GRIK2: variants seen among roughly 807,000 people sequenced by gnomAD.
GRIK2 encodes the protein glutamate receptor ionotropic, kainate 2.
A neutral mutation model predicts 100.3 loss-of-function variants in GRIK2; 32 were observed. That is an observed-to-expected ratio of 0.32 (90% CI 0.24 to 0.43). GRIK2 has a LOEUF of 0.43. GRIK2 is among the 20% of genes least tolerant of loss of function. GRIK2 has a pLI of 1.00. For synonymous variants in GRIK2, 417 were observed against 389.4 expected (o/e 1.07, Z -0.83); for missense variants, 843 against 1,114.9 (o/e 0.76, Z 3.47).
intron 4 of GRIK2, among the ~76,000 whole-genome samples, chr6:101,661,460 A>T (rs1157313213): frequency 6.6e-6 from 1 of 151,946 alleles, no homozygotes; most frequent in Admixed American, 6.6e-5. Flanking sequence ...CCCTGACTTC[A>T]GCCCCCTTGC....
chr6:101,699,040 T>C (rs1425077997), intron 7 of GRIK2, among the ~76,000 whole-genome samples: 4 of 152,098 alleles, frequency 2.6e-5, no homozygotes, highest in African/African-American at 9.7e-5. Flanking sequence ...AGCAGACTGG[T>C]TGATGGAACC....
intron 9 of GRIK2, among the ~76,000 whole-genome samples, chr6:101,814,674 C>T (rs1662190021): frequency 6.6e-6 from 1 of 152,072 alleles, no homozygotes; most frequent in African/African-American, 2.4e-5. Context: ...ATTATCTGTG[C>T]TCAGTCATTC....
chr6:101,579,836 C>T (rs1292501536), intron 2 of GRIK2, among the ~76,000 whole-genome samples: 1 of 142,950 alleles, frequency 7.0e-6, no homozygotes, highest in Non-Finnish European at 1.5e-5. Context: ...GGCAACAGAG[C>T]GAGACTGTGT....
intron 12 of GRIK2, among the ~76,000 whole-genome samples, chr6:101,920,982 G>A (rs967159144): frequency 3.9e-5 from 6 of 151,974 alleles, no homozygotes; most frequent in African/African-American, 1.4e-4. Context: ...AAAGTGGAAA[G>A]TCCAGTTAGG....
At chr6:101,963,515 T>C (rs1348302136) in intron 14 of GRIK2, among the ~76,000 whole-genome samples, 247 of 142,010 alleles carry the variant, frequency 1.7e-3, no homozygotes, top group African/African-American at 6.2e-3. Context: ...CTTTCTTTTT[T>C]TTTTTTTTTT....
At chr6:101,413,753 A>G (rs1184345798) in intron 2 of GRIK2, among the ~76,000 whole-genome samples, 2 of 152,184 alleles carry the variant, frequency 1.3e-5, no homozygotes, top group African/African-American at 4.8e-5. Flanking sequence ...AATGTAATTT[A>G]TCAATATGTA....
At chr6:101,524,084 T>A (rs2128282414) in intron 2 of GRIK2, among the ~76,000 whole-genome samples, 1 of 152,288 alleles carries the variant, frequency 6.6e-6, no homozygotes, top group East Asian at 1.9e-4. Context: ...TGAGCTCTGT[T>A]TGATAATGGT....
chr6:101,565,607 T>C (rs1274269942), intron 2 of GRIK2, among the ~76,000 whole-genome samples: 2 of 151,956 alleles, frequency 1.3e-5, no homozygotes, highest in African/African-American at 4.8e-5. Context: ...GGAAAGAAAC[T>C]ACTAAAAGAA....
At chr6:101,895,293 A>T (rs1319985348) in intron 12 of GRIK2, among the ~76,000 whole-genome samples, 1 of 151,656 alleles carries the variant, frequency 6.6e-6, no homozygotes, top group Non-Finnish European at 1.5e-5. Context: ...TTATTTTTAG[A>T]GTATTAGAAT....
intron 14 of GRIK2, among the ~76,000 whole-genome samples, chr6:101,948,304 T>G (rs958215378): frequency 1.3e-5 from 2 of 151,380 alleles, no homozygotes; most frequent in African/African-American, 4.8e-5. Context: ...TTGAAGAATC[T>G]TAGAACTGTC....
At chr6:101,960,321 ATC>A (rs1209877955) in intron 14 of GRIK2, among the ~76,000 whole-genome samples, 2 of 151,768 alleles carry the variant, frequency 1.3e-5, no homozygotes, top group East Asian at 3.9e-4. Flanking sequence ...TGAATTCTTT[ATC>A]TGTCATTTCA....
At chr6:101,727,710 G>T (rs142820578) in intron 7 of GRIK2, among the ~76,000 whole-genome samples, 1 of 152,122 alleles carries the variant, frequency 6.6e-6, no homozygotes, top group East Asian at 1.9e-4. Flanking sequence ...CCATTGATCT[G>T]TGCACAGAAT....
At chr6:102,023,437 G>T (rs1013110174) in intron 14 of GRIK2, among the ~76,000 whole-genome samples, 1 of 151,526 alleles carries the variant, frequency 6.6e-6, no homozygotes. Context: ...GCTGTGGCTT[G>T]TAGGGTAACA....
At chr6:101,790,746 CT>C (rs1321259784) in intron 7 of GRIK2, among the ~76,000 whole-genome samples, 1 of 151,312 alleles carries the variant, frequency 6.6e-6, no homozygotes, top group Non-Finnish European at 1.5e-5. Context: ...AGGATTCCCT[CT>C]TTTTCTATTG....
At chr6:102,035,193 GTATATA>G (rs139440547) in intron 14 of GRIK2, 142 bp from the exon 15 acceptor site, 64 of 216,996 alleles carry the variant, frequency 2.9e-4, no homozygotes, top group Admixed American at 7.2e-4. Flanking sequence ...GACTTTTTTG[GTATATA>G]TATATATATA....
intron 12 of GRIK2, chr6:101,891,516 CAAA>C (rs5878701): frequency 0.017 from 3,285 of 193,870 alleles, no homozygotes; most frequent in Middle Eastern, 0.02. Context: ...GACTCCATCT[CAAA>C]AAAAAAAAAA....
intron 2 of GRIK2, among the ~76,000 whole-genome samples, chr6:101,618,111 C>T (rs1392682242): frequency 6.6e-6 from 1 of 151,204 alleles, no homozygotes; most frequent in Non-Finnish European, 1.5e-5. Context: ...TTTTTGTTTT[C>T]TTTTAAAACA....
chr6:101,720,206 G>A (rs1774381214), intron 7 of GRIK2, among the ~76,000 whole-genome samples: 1 of 151,536 alleles, frequency 6.6e-6, no homozygotes, highest in Non-Finnish European at 1.5e-5. Flanking sequence ...ACATGATTAT[G>A]AGACAGACCC....
intron 6 of GRIK2, among the ~76,000 whole-genome samples, chr6:101,683,421 A>G (rs148947003): frequency 1.5e-3 from 230 of 152,276 alleles, no homozygotes; most frequent in Non-Finnish European, 2.6e-3. Flanking sequence ...TTGTTTTCAC[A>G]TACCCATCAC....
Sources: gnomAD v4.1 joint callset for allele counts (sites outside exome capture counted in the v4.1 genomes callset) on GRCh38, gnomAD v4.1.1 for gene constraint, MANE v1.5 for transcripts, NCBI Gene and HGNC (gene_info 2026-07-23, HGNC 2026-07-21) for gene names.